HYDIN: variants seen among roughly 807,000 people sequenced by gnomAD.
HYDIN encodes HYDIN axonemal central pair apparatus protein.
Under a neutral mutation model 403.9 loss-of-function variants are expected in HYDIN, and 132 were observed. The ratio of observed to expected loss-of-function variants is 0.33; its 90% confidence interval spans 0.28 to 0.38. The LOEUF is 0.38. Ranked by LOEUF, HYDIN falls within the 10% of genes least tolerant of loss-of-function variation. HYDIN has a pLI of 1.00. For missense variants in HYDIN, 2,827 were observed against 5,009.5 expected (o/e 0.56, Z 13.15); for synonymous variants, 1,202 against 1,891.7 (o/e 0.64, Z 9.46).
chr16:71,087,268 C>CT (rs2082958250), intron 12 of HYDIN, among the ~76,000 whole-genome samples: 1 of 152,152 alleles, frequency 6.6e-6, no homozygotes, highest in Non-Finnish European at 1.5e-5. Context: ...GTGGCTTAAA[C>CT]AACAGAAGTT....
intron 2 of HYDIN, 126 bp downstream of exon 2, chr16:71,186,635 T>C (rs1371453537): frequency 1.3e-6 from 1 of 757,530 alleles, no homozygotes; most frequent in East Asian, 2.6e-5. Context: ...AAGCTACCAT[T>C]ATAACTAAAT....
intron 55 of HYDIN, chr16:70,893,421 G>A (rs1268878173): frequency 1.3e-5 from 2 of 152,146 alleles, no homozygotes; most frequent in Admixed American, 1.3e-4. Flanking sequence ...GGGCTGTGTG[G>A]CCCTGTCTGA....
chr16:70,812,373 C>G (rs2035562199), intron 84 of HYDIN, among the ~76,000 whole-genome samples: 1 of 152,006 alleles, frequency 6.6e-6, no homozygotes, highest in East Asian at 1.9e-4. Flanking sequence ...TCTGTAATCC[C>G]ACCTACTCAG....
intron 1 of HYDIN, among the ~76,000 whole-genome samples, chr16:71,191,494 AG>A (rs2087434722): frequency 6.6e-6 from 1 of 152,178 alleles, no homozygotes; most frequent in Non-Finnish European, 1.5e-5. Context: ...ATTTAAGAAA[AG>A]GCTGTTATAA....
intron 10 of HYDIN, among the ~76,000 whole-genome samples, chr16:71,107,994 A>T (rs2083679691): frequency 6.6e-6 from 1 of 152,240 alleles, no homozygotes; most frequent in African/African-American, 2.4e-5. Flanking sequence ...GCCATAAAAA[A>T]GAATGAGATC....
intron 23 of HYDIN, among the ~76,000 whole-genome samples, chr16:71,010,344 T>C (rs1597533372): frequency 2.6e-5 from 4 of 152,304 alleles, no homozygotes; most frequent in East Asian, 1.9e-4. Context: ...AGGATGTTTA[T>C]GGAAGGGACA....
At chr16:71,021,739 G>A (rs1311109988) in intron 21 of HYDIN, among the ~76,000 whole-genome samples, 1 of 152,158 alleles carries the variant, frequency 6.6e-6, no homozygotes, top group African/African-American at 2.4e-5. Flanking sequence ...GACAACTCTA[G>A]TCTGTCTTTC....
chr16:70,976,516 C>A (rs1190878165), intron 30 of HYDIN, among the ~76,000 whole-genome samples: 1 of 150,906 alleles, frequency 6.6e-6, no homozygotes, highest in East Asian at 1.9e-4. Flanking sequence ...CAGAACTACA[C>A]CACACACATA....
At chr16:70,886,856 T>C (rs1304313565) in intron 58 of HYDIN, among the ~76,000 whole-genome samples, 1 of 152,152 alleles carries the variant, frequency 6.6e-6, no homozygotes, top group Admixed American at 6.5e-5. Flanking sequence ...AGTTTGACTA[T>C]GATGTGTGTT....
At chr16:71,031,482 T>C (rs1323485079) in intron 19 of HYDIN, 197 bp downstream of exon 19, 1 of 1,363,746 alleles carries the variant, frequency 7.3e-7, no homozygotes. Context: ...GATTAGAGAA[T>C]GCAACCAAGT....
intron 1 of HYDIN, among the ~76,000 whole-genome samples, chr16:71,188,763 G>A (rs2087278623): frequency 6.6e-6 from 1 of 152,102 alleles, no homozygotes; most frequent in Non-Finnish European, 1.5e-5. Context: ...ACATTAAATA[G>A]GTTTAGGAAT....
At chr16:70,932,816 T>A (rs1478711383) in intron 45 of HYDIN, among the ~76,000 whole-genome samples, 1 of 152,186 alleles carries the variant, frequency 6.6e-6, no homozygotes, top group Non-Finnish European at 1.5e-5. Flanking sequence ...TCGAATCTAG[T>A]CAGCAAGGAT....
chr16:71,228,256 G>A (rs2041127208), intron 1 of HYDIN, among the ~76,000 whole-genome samples: 4 of 152,002 alleles, frequency 2.6e-5, no homozygotes, highest in Admixed American at 1.3e-4. Flanking sequence ...CATGGGCAAG[G>A]ACTTCATGTC....
At chr16:70,981,650 C>G in intron 28 of HYDIN, 82 bp from the exon 29 acceptor site, 4 of 1,443,760 alleles carry the variant, frequency 2.8e-6, no homozygotes, top group Non-Finnish European at 3.7e-6. Context: ...AAAACAACAA[C>G]AACAATGACA....
rs2079047269 is a variant in HYDIN at position 70,981,572 on chromosome 16, C to CGCGG, written c.4333-8_4333-5dup. The CGCGG allele has an allele frequency of 6.2e-7, 1 of 1,609,142 alleles. No individual in the cohort carries two copies. The highest frequency in any genetic ancestry group is 1.1e-5 in the South Asian group (1 of 90,648). On this transcript the variant is annotated splice_polypyrimidine_tract_variant and splice_region_variant and intron_variant, in intron 28 of 85. Transcript: ENST00000393567. ...CTTGATGTGAACTGATAAAGCCCTA[C>CGCGG]GCGGTAGAAAGACCAGAAAAGGGAA...
intron 73 of HYDIN, among the ~76,000 whole-genome samples, chr16:70,852,972 G>C (rs1213769362): frequency 8.0e-5 from 12 of 149,802 alleles, no homozygotes; most frequent in African/African-American, 3.0e-4. Context: ...TCAGGAGCTC[G>C]AGACCAGCCT....
In HYDIN at chr16:71,021,517, G is replaced by A. The variant is rs544086948; in HGVS notation, c.3187-1200C>T. Among the ~76,000 whole-genome samples the A allele has an allele frequency of 7.9e-5, 12 of 152,182 alleles. No individual in the cohort carries two copies. In the South Asian group the frequency reaches 1.7e-3, roughly 21 times the overall value. On this transcript the variant is annotated intron_variant, in intron 21 of 85. Coordinates refer to ENST00000393567, the MANE Select transcript of HYDIN (RefSeq NM_001270974.2). ...GGTGTGAGCCACCGCACCCGGCCCA[G>A]ATTTAATTTTTCAACTAGAGAAGGC...
chr16:71,108,685 T>A (rs972423070), intron 10 of HYDIN, among the ~76,000 whole-genome samples: 6 of 151,896 alleles, frequency 4.0e-5, no homozygotes. Context: ...ATGTACCCCA[T>A]GAATATGTAT....
At chr16:71,157,238 C>T (rs939163058) in intron 6 of HYDIN, among the ~76,000 whole-genome samples, 5 of 150,218 alleles carry the variant, frequency 3.3e-5, no homozygotes, top group African/African-American at 4.9e-5. Flanking sequence ...TAAACTTAAC[C>T]ACTAATAAAA....
Sources: gnomAD v4.1 joint callset for allele counts (sites outside exome capture counted in the v4.1 genomes callset) on GRCh38, gnomAD v4.1.1 for gene constraint, MANE v1.5 for transcripts, NCBI Gene and HGNC (gene_info 2026-07-23, HGNC 2026-07-21) for gene names.